Variants in USP15 observed in about 807,000 individuals in gnomAD.
The protein encoded by USP15 is ubiquitin carboxyl-terminal hydrolase 15.
In USP15, 18 loss-of-function variants were observed where a neutral mutation model predicts 127.1. The observed-to-expected ratio is 0.14, with a 90% confidence interval of 0.10 to 0.21. The LOEUF (loss-of-function observed/expected upper bound fraction) is 0.21, where lower values mean the gene tolerates loss of function less well. USP15 is among the 10% of genes least tolerant of loss of function. The pLI is 1.00. For missense variants in USP15, 805 were observed against 1,159.9 expected (o/e 0.69, Z 4.44); for synonymous variants, 364 against 393.7 (o/e 0.92, Z 0.89).
intron 11 of USP15, among the ~76,000 whole-genome samples, chr12:62,384,700 G>T (rs1160979342): frequency 6.6e-6 from 1 of 151,650 alleles, no homozygotes; most frequent in Non-Finnish European, 1.5e-5. Flanking sequence ...TTCATAGTGT[G>T]ATAGTAGTGT....
At chr12:62,336,184 C>G in intron 6 of USP15, 1 of 985,390 alleles carries the variant, frequency 1.0e-6, no homozygotes, top group Non-Finnish European at 1.2e-6. Context: ...TGATTCTATG[C>G]TAATCCTCTC....
chr12:62,272,504 C>T (rs2063366312), intron 1 of USP15, among the ~76,000 whole-genome samples: 1 of 152,012 alleles, frequency 6.6e-6, no homozygotes, highest in African/African-American at 2.4e-5. Flanking sequence ...CTAAATCCTG[C>T]TGTTGGAATT....
intron 1 of USP15, among the ~76,000 whole-genome samples, chr12:62,265,771 T>G (rs978430023): frequency 5.9e-5 from 9 of 152,284 alleles, no homozygotes; most frequent in African/African-American, 2.2e-4. Context: ...GGTTTGAAAC[T>G]CCTGACCTCA....
chr12:62,323,488 T>G (rs1210961283), intron 5 of USP15, among the ~76,000 whole-genome samples: 7 of 152,184 alleles, frequency 4.6e-5, no homozygotes, highest in Non-Finnish European at 1.0e-4. Context: ...TTTATTTTAG[T>G]CATTATATTC....
intron 2 of USP15, among the ~76,000 whole-genome samples, chr12:62,299,631 T>C (rs959215891): frequency 5.9e-5 from 9 of 152,234 alleles, no homozygotes; most frequent in African/African-American, 1.9e-4. Flanking sequence ...AACATTCATG[T>C]AAAAGTTTTT....
chr12:62,320,251 A>T (rs989701373), intron 4 of USP15, among the ~76,000 whole-genome samples: 1 of 152,066 alleles, frequency 6.6e-6, no homozygotes, highest in Non-Finnish European at 1.5e-5. Context: ...TGTTCTTGTG[A>T]TAGTGAATGA....
chr12:62,392,226 GTT>G, intron 17 of USP15, 44 bp from the exon 18 acceptor site: 1 of 1,294,610 alleles, frequency 7.7e-7, no homozygotes. Flanking sequence ...ACTAAAATGA[GTT>G]TTGTTTCATT....
chr12:62,385,570 C>T (rs2067122256), intron 11 of USP15, among the ~76,000 whole-genome samples: 1 of 151,958 alleles, frequency 6.6e-6, no homozygotes, highest in Non-Finnish European at 1.5e-5. Context: ...ACACAATGCC[C>T]TCATATCAGT....
chr12:62,278,705 T>G (rs2063563463), intron 1 of USP15: 1 of 152,106 alleles, frequency 6.6e-6, no homozygotes, highest in South Asian at 2.1e-4. Flanking sequence ...CATTAGAAAT[T>G]GAAAATATTG....
intron 21 of USP15, among the ~76,000 whole-genome samples, chr12:62,402,695 C>G (rs980666334): frequency 6.6e-6 from 1 of 151,968 alleles, no homozygotes; most frequent in Non-Finnish European, 1.5e-5. Context: ...ATAAATTTAG[C>G]GCTTAGATCA....
chr12:62,357,735 G>A (rs1240864647), intron 8 of USP15, among the ~76,000 whole-genome samples: 2 of 152,032 alleles, frequency 1.3e-5, no homozygotes, highest in East Asian at 3.9e-4. Flanking sequence ...TTCACATCTG[G>A]AATTAGAAAA....
In USP15 at chr12:62,267,438, A is replaced by G. The variant is rs572806974; in HGVS notation, c.89+6935A>G. 7.2e-5 allele frequency among the ~76,000 whole-genome samples: 11 copies of G among 152,266 alleles called. No individual in the cohort carries two copies. The South Asian group carries it at 8.3e-4, about 11-fold the overall frequency. On this transcript the variant is annotated intron_variant, in intron 1 of 21. Transcript: ENST00000280377. The stretch of plus-strand genomic sequence containing the variant: ...GTTCCAATTATAATATAAAACAGAA[A>G]ACCCCTGTAGGATTAACCTGCATTT...
chr12:62,311,776 G>C (rs1470645691), intron 3 of USP15, among the ~76,000 whole-genome samples: 2 of 151,656 alleles, frequency 1.3e-5, no homozygotes, highest in African/African-American at 4.8e-5. Flanking sequence ...AGAACTTCTA[G>C]GTTAAAAGAC....
chr12:62,299,455 A>G (rs2064239281), intron 2 of USP15, among the ~76,000 whole-genome samples: 1 of 152,184 alleles, frequency 6.6e-6, no homozygotes. Flanking sequence ...TTAGGACAGC[A>G]CAATGTTTTC....
intron 7 of USP15, among the ~76,000 whole-genome samples, chr12:62,350,116 TATACTA>T (rs1368389397): frequency 5.3e-5 from 8 of 151,884 alleles, no homozygotes; most frequent in Non-Finnish European, 1.2e-4. Context: ...ATCTAATACT[TATACTA>T]ATTATGTATT....
At chr12:62,302,740 C>A in intron 2 of USP15, 50 bp from the exon 3 acceptor site, 1 of 1,553,876 alleles carries the variant, frequency 6.4e-7, no homozygotes, top group Non-Finnish European at 8.7e-7. Flanking sequence ...TGTAATGTGT[C>A]CAAACAAAGT....
At chr12:62,332,891 G>A (rs1288715273) in intron 6 of USP15, among the ~76,000 whole-genome samples, 1 of 152,132 alleles carries the variant, frequency 6.6e-6, no homozygotes, top group Non-Finnish European at 1.5e-5. Context: ...GTCTTCTTGA[G>A]TGCTCTGCTT....
intron 1 of USP15, among the ~76,000 whole-genome samples, chr12:62,284,376 A>G (rs1256271925): frequency 1.3e-5 from 2 of 152,220 alleles, no homozygotes; most frequent in African/African-American, 2.4e-5. Context: ...CTTAAATTCC[A>G]CAATGTGTGG....
chr12:62,385,845 G>A (rs78455819), intron 11 of USP15, among the ~76,000 whole-genome samples: 3,372 of 152,050 alleles, frequency 0.022, 125 homozygotes, highest in African/African-American at 0.075. Context: ...GCAAGAGAGC[G>A]TAGAATAATA....
Sources: allele counts gnomAD v4.1 joint callset (sites outside exome capture counted in the v4.1 genomes callset), GRCh38; gene constraint gnomAD v4.1.1; transcripts MANE v1.5; gene names NCBI Gene and HGNC (gene_info 2026-07-23, HGNC 2026-07-21).